Variants in DLGAP2 observed in about 807,000 individuals in gnomAD.
DLGAP2 encodes DLG associated protein 2.
A neutral mutation model predicts 100.3 loss-of-function variants in DLGAP2; 26 were observed. The ratio of observed to expected loss-of-function variants is 0.26; its 90% CI spans 0.19 to 0.36. DLGAP2 has a LOEUF of 0.36. DLGAP2 is among the 10% of genes least tolerant of loss of function. The pLI is 1.00. For missense variants in DLGAP2, 1,858 were observed against 1,453.2 expected (o/e 1.28, Z -4.53); for synonymous variants, 886 against 630.1 (o/e 1.41, Z -6.08).
At chr8:1,589,636 T>C (rs1331198701) in intron 6 of DLGAP2, among the ~76,000 whole-genome samples, 1 of 152,178 alleles carries the variant, frequency 6.6e-6, no homozygotes, top group Non-Finnish European at 1.5e-5. Context: ...TTTGTAGAGA[T>C]GGGGTTTCAT....
At chr8:745,087 C>G (rs907963196) in intron 1 of DLGAP2, among the ~76,000 whole-genome samples, 1 of 152,222 alleles carries the variant, frequency 6.6e-6, no homozygotes, top group Admixed American at 6.5e-5. Context: ...ACGCCACCGT[C>G]CCTTCTCCCG....
At chr8:900,166 C>T (rs936024198) in intron 1 of DLGAP2, among the ~76,000 whole-genome samples, 17 of 148,616 alleles carry the variant, frequency 1.1e-4, no homozygotes, top group African/African-American at 4.3e-4. Flanking sequence ...CACGGCGTCG[C>T]TCCCGGGCAG....
intron 3 of DLGAP2, among the ~76,000 whole-genome samples, chr8:1,313,398 C>T (rs939783983): frequency 2.6e-5 from 4 of 152,146 alleles, no homozygotes; most frequent in African/African-American, 9.7e-5. Context: ...CTTCAGAGAA[C>T]CCTCCGGTTG....
intron 6 of DLGAP2, among the ~76,000 whole-genome samples, chr8:1,595,632 A>C (rs1796430617): frequency 1.4e-5 from 2 of 146,338 alleles, no homozygotes; most frequent in Non-Finnish European, 1.5e-5. Context: ...GCGCCACTGC[A>C]GTCCGCAGTC....
intron 2 of DLGAP2, among the ~76,000 whole-genome samples, chr8:1,125,970 A>T (rs1238188473): frequency 6.6e-6 from 1 of 152,242 alleles, no homozygotes; most frequent in Non-Finnish European, 1.5e-5. Context: ...CTTTCCTGTA[A>T]ATAACACATT....
Position 1,178,060 on chromosome 8 carries a change from C to G in DLGAP2, c.74-80791C>G, listed in dbSNP as rs775613996. Among the ~76,000 whole-genome samples, 139 of 152,238 alleles carry G rather than the reference C, an allele frequency of 9.1e-4. 3 individuals are homozygous for G. Among genetic ancestry groups the G allele is most frequent in the Non-Finnish European group, 1.9e-4 (13 of 68,044 alleles). On this transcript the variant is annotated intron_variant, in intron 2 of 14. Coordinates refer to ENST00000637795, the MANE Select transcript of DLGAP2 (RefSeq NM_001346810.2). ...CAGTGGTGGTTGGTGCCTCTCAGCT[C>G]ATGGGACACGGTGCTCTGGGACCTG...
At chr8:1,185,027 A>G (rs1797469440) in intron 2 of DLGAP2, among the ~76,000 whole-genome samples, 1 of 151,594 alleles carries the variant, frequency 6.6e-6, no homozygotes, top group East Asian at 1.9e-4. Context: ...GACCCGGGGG[A>G]CGGGGGATGG....
At chr8:1,146,696 G>C (rs1470890325) in intron 2 of DLGAP2, among the ~76,000 whole-genome samples, 1 of 151,994 alleles carries the variant, frequency 6.6e-6, no homozygotes, top group Non-Finnish European at 1.5e-5. Context: ...TGTGTAGGGA[G>C]AGGGGGGGCT....
intron 2 of DLGAP2, among the ~76,000 whole-genome samples, chr8:1,197,343 C>G (rs900050101): frequency 1.3e-5 from 2 of 152,260 alleles, no homozygotes; most frequent in East Asian, 3.9e-4. Flanking sequence ...CCCTCCTCTT[C>G]TGCTCAGTAC....
rs1452047709 is a variant in DLGAP2, at chr8:1,652,781, A to T, written c.1811-15548A>T. 2.0e-5 allele frequency among the ~76,000 whole-genome samples: 3 copies of T among 152,194 alleles called. No individual in the cohort carries two copies. In the East Asian group the frequency reaches 5.8e-4, roughly 29 times the overall value. Reference sequence around the variant, plus strand: ...ATTTTAAAATAAAGAATAACATGCGAGACAGACAGTAATGAGACCAGCTGG... The same window carrying T: ...ATTTTAAAATAAAGAATAACATGCGTGACAGACAGTAATGAGACCAGCTGG... On this transcript the variant is annotated intron_variant, in intron 8 of 14. Coordinates refer to ENST00000637795, the MANE Select transcript of DLGAP2 (RefSeq NM_001346810.2).
At chr8:918,304 C>T (rs1043132502) in intron 2 of DLGAP2, among the ~76,000 whole-genome samples, 3 of 152,180 alleles carry the variant, frequency 2.0e-5, no homozygotes, top group African/African-American at 7.2e-5. Context: ...TGGTTTCAGC[C>T]AGTCAAGGCC....
At chr8:901,931 T>C (rs549387954) in intron 1 of DLGAP2, among the ~76,000 whole-genome samples, 29 of 152,258 alleles carry the variant, frequency 1.9e-4, no homozygotes, top group African/African-American at 4.1e-4. Context: ...TCCTCCGGGA[T>C]GGGCAGGGAG....
intron 3 of DLGAP2, among the ~76,000 whole-genome samples, chr8:1,353,811 A>G (rs1801788313): frequency 6.6e-6 from 1 of 152,252 alleles, no homozygotes; most frequent in Admixed American, 6.5e-5. Context: ...AATATTTGCA[A>G]TACATTGACA....
At chr8:960,235 A>AACTTTTTTT in intron 2 of DLGAP2, among the ~76,000 whole-genome samples, 1 of 8,352 alleles carries the variant, frequency 1.2e-4, no homozygotes, top group African/African-American at 4.3e-4. Context: ...CCTGAAGTAT[A>AACTTTTTTT]TCTTTTTTTT....
chr8:1,457,975 C>CATATACATATATATATATATAT (rs1203151608), intron 3 of DLGAP2, among the ~76,000 whole-genome samples: 2 of 107,768 alleles, frequency 1.9e-5, no homozygotes, highest in East Asian at 4.7e-4. Context: ...GTTCTCTGAT[C>CATATACATATATATATATATAT]ATATATATAT....
At chr8:778,298 C>G (rs1821584040) in intron 1 of DLGAP2, among the ~76,000 whole-genome samples, 1 of 152,190 alleles carries the variant, frequency 6.6e-6, no homozygotes, top group African/African-American at 2.4e-5. Context: ...TGCGTGTCCT[C>G]TCGTAGCTCA....
chr8:1,628,589 T>C (rs997341799), intron 7 of DLGAP2, among the ~76,000 whole-genome samples: 1 of 150,678 alleles, frequency 6.6e-6, no homozygotes, highest in Non-Finnish European at 1.5e-5. Context: ...GACCTCACAT[T>C]CTCTCTGACT....
At chr8:1,363,531 C>T (rs1345101178) in intron 3 of DLGAP2, among the ~76,000 whole-genome samples, 1 of 152,252 alleles carries the variant, frequency 6.6e-6, no homozygotes, top group Admixed American at 6.5e-5. Context: ...GCACGTTTCC[C>T]TGCAGGGATG....
At chr8:1,479,511 G>C (rs1799030713) in intron 3 of DLGAP2, among the ~76,000 whole-genome samples, 1 of 152,202 alleles carries the variant, frequency 6.6e-6, no homozygotes. Context: ...CTGAAAGGGG[G>C]TGGGGAAAGT....
Sources: allele counts gnomAD v4.1 joint callset (sites outside exome capture counted in the v4.1 genomes callset), GRCh38; gene constraint gnomAD v4.1.1; transcripts MANE v1.5; gene names NCBI Gene and HGNC (gene_info 2026-07-23, HGNC 2026-07-21).